Variants in DCC observed in about 807,000 individuals in gnomAD.
The protein encoded by DCC is DCC netrin 1 receptor.
DCC carries 58 observed loss-of-function variants against 172.5 expected under a neutral mutation model. The observed-to-expected ratio is 0.34, with a 90% CI of 0.27 to 0.42. The LOEUF (loss-of-function observed/expected upper bound fraction) is 0.42. DCC is among the 10% of genes least tolerant of loss of function. The pLI, the probability that DCC is intolerant of heterozygous loss-of-function variation, is 1.00. For synonymous variants in DCC, 709 were observed against 644.5 expected (o/e 1.10, Z -1.52); for missense variants, 1,740 against 1,791.0 (o/e 0.97, Z 0.51).
intron 7 of DCC, among the ~76,000 whole-genome samples, chr18:53,097,591 G>A (rs540860563): frequency 2.0e-5 from 3 of 152,190 alleles, no homozygotes; most frequent in Admixed American, 6.5e-5. Context: ...AACGTATCTG[G>A]TCTTTATTAT....
chr18:53,424,550 C>A (rs1910800901), intron 21 of DCC, among the ~76,000 whole-genome samples: 1 of 152,096 alleles, frequency 6.6e-6, no homozygotes, highest in Admixed American at 6.6e-5. Flanking sequence ...TCAGATAAAT[C>A]ATTGTGGGCT....
At chr18:52,674,719 C>T (rs925606026) in intron 1 of DCC, among the ~76,000 whole-genome samples, 1 of 152,158 alleles carries the variant, frequency 6.6e-6, no homozygotes, top group South Asian at 2.1e-4. Context: ...TACTTTAGTA[C>T]CATCTCCACT....
intron 12 of DCC, among the ~76,000 whole-genome samples, chr18:53,246,582 A>C (rs2056367853): frequency 6.6e-6 from 1 of 152,092 alleles, no homozygotes; most frequent in Non-Finnish European, 1.5e-5. Context: ...AACCAGTACA[A>C]CACCATAGAC....
chr18:53,053,884 C>T (rs186785014), intron 5 of DCC, among the ~76,000 whole-genome samples: 11 of 152,152 alleles, frequency 7.2e-5, no homozygotes, highest in Admixed American at 1.3e-4. Context: ...CAAAGAAAGA[C>T]GTTTATCAAT....
intron 7 of DCC, among the ~76,000 whole-genome samples, chr18:53,081,497 A>G (rs2042802611): frequency 6.6e-6 from 1 of 151,918 alleles, no homozygotes; most frequent in African/African-American, 2.4e-5. Flanking sequence ...ATAATGTCTT[A>G]TCTTTGAGTG....
rs151323842 is a variant in DCC, at chr18:53,397,319, A to G, written c.2700A>G (p.Thr900=). The change falls in exon 18 of 29, where the codon ACA becomes ACG. Residue 900 remains threonine, a synonymous_variant. Transcript: ENST00000442544. ...TCCTACTTGTATAGTCAGAAGACAC[A>G]ACATCTCTAAGTTACACAGCAACAG... ...SASAKYKSED[T]TSLSYTATGL... 6.8e-5 allele frequency: 110 copies of G among 1,613,708 alleles called. No homozygotes were observed. The East Asian group carries it at 1.2e-3, about 18-fold the overall frequency.
At chr18:53,337,567 T>A (rs1315912974) in intron 14 of DCC, among the ~76,000 whole-genome samples, 2 of 152,242 alleles carry the variant, frequency 1.3e-5, no homozygotes, top group Admixed American at 6.5e-5. Context: ...TTTTATGATG[T>A]CTTTGCATAT....
intron 8 of DCC, among the ~76,000 whole-genome samples, chr18:53,175,178 C>G (rs537083695): frequency 2.0e-5 from 3 of 151,876 alleles, no homozygotes; most frequent in Non-Finnish European, 4.4e-5. Flanking sequence ...GACATATTTC[C>G]AAATAATAAG....
At chr18:52,996,245 A>G (rs1166039381) in intron 5 of DCC, among the ~76,000 whole-genome samples, 1 of 151,716 alleles carries the variant, frequency 6.6e-6, no homozygotes, top group East Asian at 1.9e-4. Flanking sequence ...TTTATTTTAT[A>G]TAATTATATA....
intron 1 of DCC, among the ~76,000 whole-genome samples, chr18:52,497,276 A>AT (rs2030805707): frequency 1.9e-4 from 14 of 73,032 alleles, no homozygotes; most frequent in African/African-American, 6.8e-4. Context: ...AAAAAAAAAA[A>AT]AAAAATATAT....
In DCC at chr18:52,906,335, C is replaced by A. The variant is rs2039881520; in HGVS notation, c.697+7C>A. 1.9e-6 allele frequency: 3 copies of A among 1,613,460 alleles called. No individual in the cohort carries two copies. Among genetic ancestry groups the A allele is most frequent in the South Asian group, 2.2e-5 (2 of 91,074 alleles). ...GAAGTCAGAATTTTATCAGGTATTG[C>A]AATGCTCTTTGTTGCCTTCAGAATG... On this transcript the variant is annotated splice_region_variant and intron_variant, in intron 3 of 28. Coordinates refer to ENST00000442544, the MANE Select transcript of DCC (RefSeq NM_005215.4).
At chr18:53,477,499 A>T (rs1385099814) in intron 25 of DCC, among the ~76,000 whole-genome samples, 1 of 152,190 alleles carries the variant, frequency 6.6e-6, no homozygotes, top group Non-Finnish European at 1.5e-5. Flanking sequence ...CAAGCCTTGT[A>T]TAAACTAAAG....
intron 2 of DCC, among the ~76,000 whole-genome samples, chr18:52,781,994 G>A (rs535322109): frequency 2.9e-4 from 44 of 152,170 alleles, no homozygotes; most frequent in Non-Finnish European, 3.5e-4. Flanking sequence ...CAAGAAGAAT[G>A]TATGACTTTT....
At chr18:52,888,981 T>G (rs551106763) in intron 2 of DCC, among the ~76,000 whole-genome samples, 6 of 152,202 alleles carry the variant, frequency 3.9e-5, no homozygotes, top group African/African-American at 1.4e-4. Flanking sequence ...AATACACATA[T>G]AAACATGTCA....
chr18:53,168,577 G>C (rs531277037), intron 8 of DCC, among the ~76,000 whole-genome samples: 4 of 135,428 alleles, frequency 3.0e-5, no homozygotes, highest in East Asian at 2.7e-4. Context: ...GGGCGGGCGG[G>C]GGGGCTAGGG....
chr18:53,061,636 C>T (rs2042497223), intron 5 of DCC, among the ~76,000 whole-genome samples: 1 of 152,118 alleles, frequency 6.6e-6, no homozygotes, highest in Non-Finnish European at 1.5e-5. Context: ...CAGTATCTTT[C>T]TGCCAGAAGT....
chr18:52,755,616 C>T (rs1281149840), intron 2 of DCC, among the ~76,000 whole-genome samples: 2 of 152,150 alleles, frequency 1.3e-5, no homozygotes, highest in East Asian at 3.9e-4. Context: ...CATATATCTT[C>T]CCAGTAATAA....
chr18:53,295,593 TTATGAG>T (rs1281222452), intron 12 of DCC, among the ~76,000 whole-genome samples: 6 of 152,322 alleles, frequency 3.9e-5, no homozygotes, highest in African/African-American at 4.8e-5. Flanking sequence ...AATTTTGAGA[TTATGAG>T]TATAACATTT....
intron 3 of DCC, among the ~76,000 whole-genome samples, chr18:52,907,574 C>G (rs186804517): frequency 6.6e-6 from 1 of 152,060 alleles, no homozygotes; most frequent in Admixed American, 6.6e-5. Context: ...GCACCACACC[C>G]GGCTAATTTT....
Sources: allele counts gnomAD v4.1 joint callset (sites outside exome capture counted in the v4.1 genomes callset), GRCh38; gene constraint gnomAD v4.1.1; transcripts MANE v1.5; gene names NCBI Gene and HGNC (gene_info 2026-07-23, HGNC 2026-07-21).